ABL1: variants seen among roughly 807,000 people sequenced by gnomAD.
The protein encoded by ABL1 is tyrosine-protein kinase ABL1.
ABL1 carries 11 observed loss-of-function variants against 94.7 expected under a neutral mutation model. That is an observed-to-expected ratio of 0.12 (90% CI 0.07 to 0.19). The LOEUF (loss-of-function observed/expected upper bound fraction) is 0.19. Ranked by LOEUF, ABL1 falls within the 10% of genes least tolerant of loss-of-function variation. The pLI is 1.00. For missense variants in ABL1, 1,082 were observed against 1,489.4 expected (o/e 0.73, Z 4.50); for synonymous variants, 656 against 622.4 (o/e 1.05, Z -0.80).
In ABL1 at chr9:130,821,664, C is replaced by CT. The variant is rs1212377521; in HGVS notation, c.137-32385dup. Among the ~76,000 whole-genome samples, 985 of 135,486 alleles carry CT rather than the reference C, an allele frequency of 7.3e-3. 10 individuals are homozygous for CT. The highest frequency in any genetic ancestry group is 0.019 in the African/African-American group (695 of 37,086). 88.9% of individuals were successfully genotyped at this position (135,486 alleles called of 152,430 possible). A position where few individuals can be genotyped will look rare whatever the true frequency, so the allele number is the denominator to read the frequency against. ...ATTTCTAGAAGTAAAATTGCTGAGT[C>CT]TTTTTTTTTTTTTTTGAGATGGAGT... is the stretch of plus-strand genomic sequence containing the variant. On this transcript the variant is annotated intron_variant, in intron 1 of 10. Transcript: ENST00000372348.
In ABL1 at chr9:130,840,724, G is replaced by A. The variant is rs182038755; in HGVS notation, c.79+5199G>A. 3.9e-4 allele frequency among the ~76,000 whole-genome samples: 59 copies of A among 151,636 alleles called. No individual in the cohort carries two copies. The East Asian group carries it at 9.7e-3, about 25-fold the overall frequency. On this transcript the variant is annotated intron_variant, in intron 1 of 10. Coordinates refer to ENST00000318560, the MANE Select transcript of ABL1 (RefSeq NM_005157.6). Reference sequence around the variant, plus strand: ...AAATAGAGATGGGTCTCACTATGTCGCCCAGGCTGGTCTCAAACTCCTGGG... The same window carrying A: ...AAATAGAGATGGGTCTCACTATGTCACCCAGGCTGGTCTCAAACTCCTGGG...
chr9:130,805,890 T>G (rs186944365), intron 1 of ABL1, among the ~76,000 whole-genome samples: 2,342 of 152,236 alleles, frequency 0.015, 16 homozygotes, highest in Non-Finnish European at 0.023. Flanking sequence ...TCATGAGGTT[T>G]TTTTAACCTT....
Position 130,880,197 on chromosome 9 carries a change from G to T in ABL1, c.1513+40G>T. ...CCGGGGTACCTGCAGTGGGGTGAAAGGGCAGCCATGTGGGACTGCAGCCTG... is the reference window on the plus strand; with the variant it reads ...CCGGGGTACCTGCAGTGGGGTGAAATGGCAGCCATGTGGGACTGCAGCCTG... On this transcript the variant is annotated intron_variant, in intron 9 of 10. Coordinates refer to ENST00000318560, the MANE Select transcript of ABL1 (RefSeq NM_005157.6). The surrounding 1 kb of genome is among the most constrained non-coding windows in gnomAD (Gnocchi z 4.4). The T allele has an allele frequency of 6.3e-7, 1 of 1,591,482 alleles. No homozygotes were observed.
intron 1 of ABL1, among the ~76,000 whole-genome samples, chr9:130,818,324 G>T (rs1423552529): frequency 6.6e-6 from 1 of 152,174 alleles, no homozygotes; most frequent in African/African-American, 2.4e-5. Flanking sequence ...ATAAAAATTA[G>T]CCATACATCG....
chr9:130,735,950 TATATATA>T (rs1460120742), intron 1 of ABL1, among the ~76,000 whole-genome samples: 4 of 84,384 alleles, frequency 4.7e-5, no homozygotes, highest in African/African-American at 3.7e-4. Flanking sequence ...TATATATATA[TATATATA>T]TATATTTTTT....
In ABL1 at chr9:130,874,976, A is replaced by C. The variant is rs1482051648; in HGVS notation, c.1194A>C (p.Gly398=). The change falls in exon 7 of 11, where the codon GGA becomes GGC. Residue 398 remains glycine, a synonymous_variant. Transcript: ENST00000318560. ...MTGDTYTAHA[G]AKFPIKWTAP... is the part of the protein sequence containing the mutation. ...GGGACACCTACACAGCCCATGCTGG[A>C]GCCAAGTTCCCCATCAAATGGACTG... 1 of 1,614,036 alleles carries C rather than the reference A, an allele frequency of 6.2e-7. No homozygotes were observed. The highest frequency in any genetic ancestry group is 1.3e-5 in the African/African-American group (1 of 74,914).
At chr9:130,861,354 AAAAG>A (rs1831067818) in intron 3 of ABL1, among the ~76,000 whole-genome samples, 1 of 152,252 alleles carries the variant, frequency 6.6e-6, no homozygotes, top group South Asian at 2.1e-4. Context: ...CAAGCAAAAC[AAAAG>A]AAAGAGAAAC....
chr9:130,738,073 G>A (rs1831768283), intron 1 of ABL1, among the ~76,000 whole-genome samples: 1 of 151,760 alleles, frequency 6.6e-6, no homozygotes, highest in Non-Finnish European at 1.5e-5. Flanking sequence ...CTCGTGATCC[G>A]CCCACCTCCA....
At chr9:130,793,866 T>C (rs1829940042) in intron 1 of ABL1, among the ~76,000 whole-genome samples, 2 of 152,166 alleles carry the variant, frequency 1.3e-5, no homozygotes, top group Admixed American at 1.3e-4. Context: ...GCGGCATTAG[T>C]TTCTCATAGG....
intron 1 of ABL1, among the ~76,000 whole-genome samples, chr9:130,781,382 A>AC (rs1829753635): frequency 6.6e-6 from 1 of 152,174 alleles, no homozygotes; most frequent in African/African-American, 2.4e-5. Context: ...CCTCAGGCAC[A>AC]CACGCACTCT....
intron 1 of ABL1, among the ~76,000 whole-genome samples, chr9:130,743,985 T>A (rs1213448166): frequency 1.3e-5 from 2 of 152,128 alleles, no homozygotes; most frequent in African/African-American, 2.4e-5. Context: ...CTTAAGGATA[T>A]TTTTGGAAAC....
intron 1 of ABL1, among the ~76,000 whole-genome samples, chr9:130,829,478 CGTG>C (rs1178837285): frequency 1.3e-5 from 2 of 148,604 alleles, no homozygotes; most frequent in Non-Finnish European, 3.0e-5. Context: ...AGGAGAATGG[CGTG>C]GTGAACCCGG....
intron 1 of ABL1, among the ~76,000 whole-genome samples, chr9:130,849,490 C>A (rs938899397): frequency 1.3e-5 from 2 of 152,016 alleles, no homozygotes; most frequent in African/African-American, 4.8e-5. Context: ...TATTATCAAG[C>A]GTTCACACAC....
At position 130,885,036 on chromosome 9, in the gene ABL1, C is replaced by A. The variant is rs758687667; in HGVS notation, c.2746C>A (p.Gln916Lys). The change falls in exon 11 of 11, where the codon CAG becomes AAG. Residue 916 changes from glutamine to lysine, a missense_variant. Gln to Lys is a moderately conservative substitution (Grantham distance 53, BLOSUM62 1). This residue lies in a region of ABL1 where 780 missense variants were observed against 835.8 expected (regional missense o/e 0.93). Transcript: ENST00000318560. ...AGGGAAGGCTGGAGGAAAGCCCTCG[C>A]AGAGCCCGAGCCAGGAGGCGGCCGG... ...SAGKAGGKPS[Q>K]SPSQEAAGEA... 8.7e-6 allele frequency: 14 copies of A among 1,611,178 alleles called. No individual in the cohort carries two copies. In the Admixed American group the frequency reaches 1.5e-4, roughly 17 times the overall value.
intron 1 of ABL1, among the ~76,000 whole-genome samples, chr9:130,787,344 C>CTG (rs1333140235): frequency 1.3e-5 from 2 of 152,010 alleles, no homozygotes; most frequent in East Asian, 1.9e-4. Flanking sequence ...ACTCTGCCTT[C>CTG]TGTGTGTGTG....
intron 7 of ABL1, 94 bp downstream of exon 7, chr9:130,875,146 C>A: frequency 7.2e-7 from 1 of 1,386,946 alleles, no homozygotes. Flanking sequence ...TTCTTCCTTT[C>A]TTTTTGTTTT....
intron 1 of ABL1, among the ~76,000 whole-genome samples, chr9:130,760,135 G>C (rs1158389780): frequency 2.0e-5 from 3 of 151,934 alleles, no homozygotes; most frequent in African/African-American, 7.3e-5. Flanking sequence ...ATTTAACCTG[G>C]TTGAAATGTG....
At position 130,735,961 on chromosome 9, in the gene ABL1, A is replaced by ATATATATATTTT. The variant is rs573602038; in HGVS notation, c.136+21507_136+21508insATATATATTTTT. ...TATATATATATATATATATATATAT[A>ATATATATATTTT]TTTTTTTTTTTTAAGACAGGGTCTG... On this transcript the variant is annotated intron_variant, in intron 1 of 10. Coordinates refer to the ABL1 transcript ENST00000372348. 7.3e-4 allele frequency among the ~76,000 whole-genome samples: 69 copies of ATATATATATTTT among 94,820 alleles called. 1 individual carries two copies. The highest frequency in any genetic ancestry group is 7.0e-3 in the East Asian group (17 of 2,440). 62.2% of individuals were successfully genotyped at this position (94,820 alleles called of 152,430 possible).
At chr9:130,766,237 G>T (rs1262364442) in intron 1 of ABL1, among the ~76,000 whole-genome samples, 1 of 152,244 alleles carries the variant, frequency 6.6e-6, no homozygotes, top group South Asian at 2.1e-4. Context: ...CTGCTCAGGG[G>T]CATGCGGATG....
Sources: allele counts gnomAD v4.1 joint callset (sites outside exome capture counted in the v4.1 genomes callset), GRCh38; gene constraint gnomAD v4.1.1; regional missense constraint gnomAD v4.1.1; non-coding constraint Gnocchi (gnomAD v3.1); transcripts MANE v1.5; gene names NCBI Gene and HGNC (gene_info 2026-07-23, HGNC 2026-07-21).